Variants in PYROXD2 observed in about 807,000 individuals in gnomAD.
The protein encoded by PYROXD2 is pyridine nucleotide-disulphide oxidoreductase domain 2.
Under a neutral mutation model 71.1 loss-of-function variants are expected in PYROXD2, and 69 were observed. The ratio of observed to expected loss-of-function variants is 0.97; its 90% CI spans 0.80 to 1.19. PYROXD2 has a LOEUF of 1.19. PYROXD2 is among the 50% of genes most tolerant of loss of function. The pLI, the probability that PYROXD2 is intolerant of heterozygous loss-of-function variation, is 0.00. For missense variants in PYROXD2, 745 were observed against 748.9 expected, an observed-to-expected ratio of 0.99 and a Z score of 0.06; for synonymous variants, 287 against 302.7, an observed-to-expected ratio of 0.95 and a Z score of 0.54.
At chr10:98,404,621 T>A (rs1256524690) in intron 4 of PYROXD2, among the ~76,000 whole-genome samples, 1 of 152,154 alleles carries the variant, frequency 6.6e-6, no homozygotes, top group Non-Finnish European at 1.5e-5. Context: ...CCATGAGAGT[T>A]CTCAGCATGC....
In PYROXD2 at chr10:98,406,750, T is replaced by C. The variant is rs1843609148; in HGVS notation, c.315+832A>G. Among the ~76,000 whole-genome samples, 3 of 151,938 alleles carry C rather than the reference T, an allele frequency of 2.0e-5. No homozygotes were observed. The South Asian group carries it at 6.3e-4, about 32-fold the overall frequency. On this transcript the variant is annotated intron_variant, in intron 4 of 15. Coordinates refer to ENST00000370575, the MANE Select transcript of PYROXD2 (RefSeq NM_032709.3). ...CTACTAAAAACACAAAAAATTTGCCTGGCGTGGTGGTAGCGCCTATAGTCC... is the reference window on the plus strand; with the variant it reads ...CTACTAAAAACACAAAAAATTTGCCCGGCGTGGTGGTAGCGCCTATAGTCC...
chr10:98,414,180 CTAG>C (rs1490192386), intron 1 of PYROXD2: 1 of 152,086 alleles, frequency 6.6e-6, no homozygotes, highest in Non-Finnish European at 1.5e-5. Flanking sequence ...CGCAACTGCT[CTAG>C]TACATATGAA....
chr10:98,401,146 G>A (rs1409123946), intron 4 of PYROXD2, among the ~76,000 whole-genome samples: 1 of 151,752 alleles, frequency 6.6e-6, no homozygotes, highest in African/African-American at 2.4e-5. Flanking sequence ...CCAACTACTC[G>A]GAAGGCTGAG....
intron 4 of PYROXD2, among the ~76,000 whole-genome samples, chr10:98,406,769 AT>A (rs1843610408): frequency 6.6e-6 from 1 of 151,672 alleles, no homozygotes; most frequent in African/African-American, 2.4e-5. Flanking sequence ...GGTAGCGCCT[AT>A]AGTCCCAGCT....
At chr10:98,389,572 C>T (rs149202635) in intron 12 of PYROXD2, among the ~76,000 whole-genome samples, 1,949 of 152,278 alleles carry the variant, frequency 0.013, 20 homozygotes, top group South Asian at 0.026. Context: ...ACTCTGGCCT[C>T]GTCCCTGTGC....
intron 2 of PYROXD2, among the ~76,000 whole-genome samples, chr10:98,408,804 C>T (rs576266500): frequency 2.6e-5 from 4 of 152,340 alleles, no homozygotes; most frequent in African/African-American, 9.6e-5. Context: ...TTTCAAAAAG[C>T]TCACTTGGCA....
At chr10:98,384,405 C>T (rs534542270) in intron 15 of PYROXD2, among the ~76,000 whole-genome samples, 17 of 152,246 alleles carry the variant, frequency 1.1e-4, no homozygotes, top group South Asian at 1.0e-3. Flanking sequence ...ATCACTTCAG[C>T]GCGGGAGTTC....
At position 98,407,669 on chromosome 10, in the gene PYROXD2, C is replaced by T. The variant is rs771726099; in HGVS notation, c.242-14G>A. 8.7e-6 allele frequency: 14 copies of T among 1,613,598 alleles called. 1 individual carries two copies. The highest frequency in any genetic ancestry group is 1.3e-5 in the African/African-American group (1 of 74,856). On this transcript the variant is annotated splice_polypyrimidine_tract_variant and intron_variant, in intron 3 of 15. Coordinates refer to ENST00000370575, the MANE Select transcript of PYROXD2 (RefSeq NM_032709.3). ...AGAACTTAAACCCTGAAACCGAATC[C>T]GATGAAGACTGTCACCAGGGGTCAC...
chr10:98,401,112 G>A (rs538163605), intron 4 of PYROXD2, among the ~76,000 whole-genome samples: 7 of 152,108 alleles, frequency 4.6e-5, no homozygotes, highest in African/African-American at 1.7e-4. Context: ...AATTAGCCGG[G>A]CATGGTGGCA....
rs868504043 is a variant in PYROXD2 at position 98,407,461 on chromosome 10, G to A, written c.315+121C>T. 3 of 1,208,134 alleles carry A rather than the reference G, an allele frequency of 2.5e-6. No individual in the cohort carries two copies. The South Asian group carries it at 4.0e-5, about 16-fold the overall frequency. 74.8% of individuals were successfully genotyped at this position (1,208,134 alleles called of 1,614,324 possible). A position where few individuals can be genotyped will look rare whatever the true frequency, so the allele number is the denominator to read the frequency against. ...CACGTGGGATACACAAGACTTGGGT[G>A]GAAGAGGGAGCCCTCAGGGGCGGGC... On this transcript the variant is annotated intron_variant, in intron 4 of 15. Transcript: ENST00000370575.
At chr10:98,388,547 GC>G in intron 12 of PYROXD2, 39 bp from the exon 13 acceptor site, 1 of 1,516,314 alleles carries the variant, frequency 6.6e-7, no homozygotes, top group South Asian at 1.3e-5. Flanking sequence ...CTAAAGAGCA[GC>G]AGTGCGGAGG....
chr10:98,384,289 A>G (rs1479825202), intron 15 of PYROXD2, among the ~76,000 whole-genome samples: 3 of 152,190 alleles, frequency 2.0e-5, no homozygotes, highest in Non-Finnish European at 1.5e-5. Context: ...GAATGCGCAC[A>G]AGAAAGAATT....
intron 10 of PYROXD2, among the ~76,000 whole-genome samples, chr10:98,391,730 A>G (rs1359963648): frequency 4.6e-5 from 7 of 152,230 alleles, no homozygotes. Flanking sequence ...GCTTGCATGC[A>G]TGCTTGAGCT....
chr10:98,385,209 G>C (rs1842712919), intron 14 of PYROXD2, 142 bp from the exon 15 acceptor site: 1 of 1,231,116 alleles, frequency 8.1e-7, no homozygotes, highest in Non-Finnish European at 1.1e-6. Flanking sequence ...TGCAGAAAGG[G>C]AAGGAGATGA....
In PYROXD2 at chr10:98,392,283, T is replaced by C. The variant is rs112875623; in HGVS notation, c.1062+149A>G. 388 of 1,315,448 alleles carry C rather than the reference T, an allele frequency of 2.9e-4. No homozygotes were observed. In the African/African-American group the frequency reaches 4.8e-3, roughly 16 times the overall value. 81.5% of individuals were successfully genotyped at this position (1,315,448 alleles called of 1,614,324 possible). ...CCTGTGAGGCTTCTTCCCCGTTTGC[T>C]ACCTGCCCTTACCCCCCTGTTTCCC... On this transcript the variant is annotated intron_variant, in intron 10 of 15. Transcript: ENST00000370575.
intron 10 of PYROXD2, 56 bp from the exon 11 acceptor site, chr10:98,391,138 G>A (rs897377617): frequency 1.6e-5 from 18 of 1,125,250 alleles, no homozygotes; most frequent in Non-Finnish European, 2.3e-5. Flanking sequence ...CAAGGAAGCT[G>A]CCTTCTTTCT....
intron 1 of PYROXD2, among the ~76,000 whole-genome samples, chr10:98,413,362 G>A (rs1257843236): frequency 1.3e-5 from 2 of 152,188 alleles, no homozygotes; most frequent in Non-Finnish European, 2.9e-5. Context: ...CACAAAAATT[G>A]AAGGAAATAT....
At chr10:98,407,306 G>A (rs77904164) in intron 4 of PYROXD2, among the ~76,000 whole-genome samples, 2 of 152,346 alleles carry the variant, frequency 1.3e-5, no homozygotes, top group East Asian at 3.9e-4. Flanking sequence ...TCAGATAGGT[G>A]TCCCACGTGG....
At chr10:98,392,374 A>G in intron 10 of PYROXD2, 58 bp downstream of exon 10, 3 of 1,585,790 alleles carry the variant, frequency 1.9e-6, no homozygotes, top group Non-Finnish European at 2.6e-6. Flanking sequence ...AATCCCCACG[A>G]TTTCTAACCC....
Sources: gnomAD v4.1 joint callset for allele counts (sites outside exome capture counted in the v4.1 genomes callset) on GRCh38, gnomAD v4.1.1 for gene constraint, MANE v1.5 for transcripts, NCBI Gene and HGNC (gene_info 2026-07-23, HGNC 2026-07-21) for gene names.